Variants in MGLL observed in about 807,000 individuals in gnomAD.
The protein encoded by MGLL is lysophospholipase homolog.
MGLL carries 7 observed loss-of-function variants against 29.1 expected under a neutral mutation model. The observed-to-expected ratio is 0.24, with a 90% CI of 0.14 to 0.45. The LOEUF (loss-of-function observed/expected upper bound fraction) is 0.45, where lower values mean the gene tolerates loss of function less well. MGLL is among the 20% of genes least tolerant of loss of function. MGLL has a pLI of 0.99. For synonymous variants in MGLL, 148 were observed against 168.3 expected, an observed-to-expected ratio of 0.88 and a Z score of 0.93; for missense variants, 356 against 413.6, an observed-to-expected ratio of 0.86 and a Z score of 1.21.
At chr3:127,769,425 G>T (rs910192842) in intron 3 of MGLL, among the ~76,000 whole-genome samples, 1 of 152,132 alleles carries the variant, frequency 6.6e-6, no homozygotes, top group African/African-American at 2.4e-5. Flanking sequence ...TAAACAACTG[G>T]CATTTCAAAA....
intron 2 of MGLL, among the ~76,000 whole-genome samples, chr3:127,801,650 G>T (rs1385009880): frequency 1.3e-5 from 2 of 151,510 alleles, no homozygotes; most frequent in East Asian, 3.9e-4. Flanking sequence ...AATTAAAAGG[G>T]GTGACATTTC....
intron 2 of MGLL, among the ~76,000 whole-genome samples, chr3:127,791,656 C>T (rs940860308): frequency 1.2e-4 from 19 of 152,222 alleles, no homozygotes; most frequent in African/African-American, 4.3e-4. Context: ...GGCTGTTTAT[C>T]TCAGTTTTAA....
At chr3:127,713,378 G>A (rs541592033) in intron 5 of MGLL, 4 of 141,008 alleles carry the variant, frequency 2.8e-5, no homozygotes, top group South Asian at 2.3e-4. Context: ...GGAACCGCAG[G>A]AAGGCTCTGT....
intron 3 of MGLL, among the ~76,000 whole-genome samples, chr3:127,757,248 C>G (rs1282172359): frequency 1.3e-5 from 2 of 152,212 alleles, no homozygotes; most frequent in Admixed American, 6.5e-5. Flanking sequence ...CCTAAAACAG[C>G]TGACCTACAG....
chr3:127,813,517 T>C (rs955923505), intron 2 of MGLL, among the ~76,000 whole-genome samples: 1 of 152,178 alleles, frequency 6.6e-6, no homozygotes, highest in Non-Finnish European at 1.5e-5. Context: ...GGACATTTGC[T>C]GGGGAGGGCT....
chr3:127,696,189 G>A (rs1005717530), intron 6 of MGLL, among the ~76,000 whole-genome samples: 32 of 152,164 alleles, frequency 2.1e-4, no homozygotes, highest in African/African-American at 7.5e-4. Flanking sequence ...CCACCACCCT[G>A]TGGATCTTGC....
intron 2 of MGLL, among the ~76,000 whole-genome samples, chr3:127,786,809 T>A (rs770545671): frequency 2.5e-4 from 38 of 151,712 alleles, no homozygotes; most frequent in Non-Finnish European, 1.9e-4. Flanking sequence ...GGGGCAGGGG[T>A]CTTGCCTGGG....
chr3:127,751,297 C>A (rs2076553717), intron 3 of MGLL, among the ~76,000 whole-genome samples: 3 of 152,000 alleles, frequency 2.0e-5, no homozygotes, highest in Non-Finnish European at 4.4e-5. Flanking sequence ...CTCCTCCCAG[C>A]AAGGCTGGAG....
At chr3:127,736,761 C>A (rs1035380709) in intron 3 of MGLL, among the ~76,000 whole-genome samples, 3 of 152,210 alleles carry the variant, frequency 2.0e-5, no homozygotes, top group Non-Finnish European at 2.9e-5. Context: ...GTGGTGCAAT[C>A]TCGGCTCACT....
intron 3 of MGLL, among the ~76,000 whole-genome samples, chr3:127,748,408 A>AAGAG (rs748224127): frequency 1.0e-4 from 14 of 137,804 alleles, no homozygotes; most frequent in South Asian, 2.3e-4. Context: ...GAGAGAGAGA[A>AAGAG]AGAGAGAGAG....
At chr3:127,727,400 T>C (rs993038284) in intron 3 of MGLL, among the ~76,000 whole-genome samples, 5 of 152,128 alleles carry the variant, frequency 3.3e-5, no homozygotes, top group African/African-American at 1.2e-4. Flanking sequence ...TGAGTCCATA[T>C]AGATATTTTC....
intron 3 of MGLL, among the ~76,000 whole-genome samples, chr3:127,738,714 C>A (rs192688766): frequency 4.6e-5 from 7 of 152,204 alleles, no homozygotes; most frequent in African/African-American, 1.7e-4. Context: ...GGAGTGAGCA[C>A]TCCTGAGTAC....
At chr3:127,715,726 T>C (rs1576493965) in intron 5 of MGLL, 4 of 456,562 alleles carry the variant, frequency 8.8e-6, no homozygotes, top group African/African-American at 2.0e-5. Flanking sequence ...GAAGGAGTCA[T>C]GGCAGGTCCC....
chr3:127,772,348 G>C (rs1205831805), intron 3 of MGLL, among the ~76,000 whole-genome samples: 2 of 152,182 alleles, frequency 1.3e-5, no homozygotes, highest in East Asian at 1.9e-4. Flanking sequence ...GGCTGGTATT[G>C]TTAGCCCATT....
chr3:127,795,246 A>G (rs2077365528), intron 2 of MGLL, among the ~76,000 whole-genome samples: 1 of 152,238 alleles, frequency 6.6e-6, no homozygotes, highest in African/African-American at 2.4e-5. Flanking sequence ...GCAGCTGGAG[A>G]TTACTAAACA....
chr3:127,788,010 A>G (rs2107717848), intron 2 of MGLL, among the ~76,000 whole-genome samples: 1 of 152,302 alleles, frequency 6.6e-6, no homozygotes, highest in African/African-American at 2.4e-5. Context: ...GGGCTCCTGC[A>G]GCGACAGTGC....
chr3:127,774,369 C>T (rs79578953), intron 3 of MGLL, among the ~76,000 whole-genome samples: 6,814 of 152,312 alleles, frequency 0.045, 488 homozygotes, highest in African/African-American at 0.15. Context: ...CTCTTGCCTC[C>T]CCTGCACTTG....
At chr3:127,789,290 G>A (rs915041378) in intron 2 of MGLL, among the ~76,000 whole-genome samples, 4 of 152,152 alleles carry the variant, frequency 2.6e-5, no homozygotes, top group African/African-American at 4.8e-5. Context: ...CAGGAGCCCT[G>A]GGCTAGGATG....
chr3:127,777,144 T>A (rs2077050506), intron 3 of MGLL, among the ~76,000 whole-genome samples: 1 of 152,104 alleles, frequency 6.6e-6, no homozygotes, highest in East Asian at 1.9e-4. Context: ...AAACACCCAA[T>A]TAGGAACTTC....
Sources: allele counts gnomAD v4.1 joint callset (sites outside exome capture counted in the v4.1 genomes callset), GRCh38; gene constraint gnomAD v4.1.1; transcripts MANE v1.5; gene names NCBI Gene and HGNC (gene_info 2026-07-23, HGNC 2026-07-21).